The following NECTIN2 variants were observed in gnomAD, a reference collection of about 807,000 sequenced individuals.
NECTIN2 encodes nectin-2.
In NECTIN2, 23 loss-of-function variants were observed where a neutral mutation model predicts 56.9. The ratio of observed to expected loss-of-function variants is 0.40; its 90% CI spans 0.29 to 0.57. NECTIN2 has a LOEUF of 0.57. Ranked by LOEUF, NECTIN2 falls within the 20% of genes least tolerant of loss-of-function variation. The pLI, the probability that NECTIN2 is intolerant of heterozygous loss-of-function variation, is 0.38. For missense variants in NECTIN2, 587 were observed against 718.3 expected (o/e 0.82, Z 2.09); for synonymous variants, 302 against 313.8 (o/e 0.96, Z 0.40).
chr19:44,864,021 C>CCA (rs1969066337), intron 1 of NECTIN2, among the ~76,000 whole-genome samples: 2 of 151,232 alleles, frequency 1.3e-5, no homozygotes, highest in African/African-American at 2.4e-5. Flanking sequence ...TTCCCCCCCC[C>CCA]CAAAAAAAAA....
chr19:44,861,373 A>G (rs1415138758), intron 1 of NECTIN2, among the ~76,000 whole-genome samples: 2 of 152,246 alleles, frequency 1.3e-5, no homozygotes, highest in Non-Finnish European at 2.9e-5. Context: ...TATCCACAAC[A>G]GCAAAGATAT....
intron 8 of NECTIN2, among the ~76,000 whole-genome samples, chr19:44,887,293 G>A (rs964745736): frequency 1.3e-5 from 2 of 151,530 alleles, no homozygotes; most frequent in Non-Finnish European, 2.9e-5. Context: ...AAGTTGCAAT[G>A]AGCTGAGACC....
intron 2 of NECTIN2, among the ~76,000 whole-genome samples, chr19:44,869,321 A>G (rs1185190476): frequency 6.6e-6 from 1 of 152,080 alleles, no homozygotes; most frequent in African/African-American, 2.4e-5. Context: ...GGCCAGGCGC[A>G]GTGGCTCACG....
chr19:44,854,613 G>A (rs1157532011), intron 1 of NECTIN2, among the ~76,000 whole-genome samples: 5 of 151,986 alleles, frequency 3.3e-5, no homozygotes, highest in African/African-American at 1.2e-4. Flanking sequence ...AGGAGTCCGA[G>A]ACTAGCCTGG....
chr19:44,857,711 G>T (rs1808665), intron 1 of NECTIN2, among the ~76,000 whole-genome samples: 98,796 of 143,752 alleles, frequency 0.69, 34,332 homozygotes, highest in African/African-American at 0.82. Context: ...TTTTGTTTTT[G>T]TTTTTTTTTT....
chr19:44,878,389 C>T (rs369490660), intron 5 of NECTIN2: 20 of 1,556,568 alleles, frequency 1.3e-5, no homozygotes, highest in African/African-American at 6.8e-5. Context: ...GAGCCAGTGG[C>T]GACGGGGGAT....
In NECTIN2 at chr19:44,880,475, CTTTTTTTTTTTTTTTTTT is replaced by C. The variant is rs4013742; in HGVS notation, c.1043-1723_1043-1706del. ...TTCTCGACCCCTTTTCCTGTCTTGCCTTTTTTTTTTTTTTTTTTTTTTTTTTTTTTGAGACGGTGTCTA... is the reference window on the plus strand; with the variant it reads ...TTCTCGACCCCTTTTCCTGTCTTGCCTTTTTTTTTTTTGAGACGGTGTCTA... On this transcript the variant is annotated intron_variant, in intron 5 of 8. Transcript: ENST00000252483. Among the ~76,000 whole-genome samples, 226 of 68,884 alleles carry C rather than the reference CTTTTTTTTTTTTTTTTTT, an allele frequency of 3.3e-3. 2 individuals carry two copies. Among genetic ancestry groups the C allele is most frequent in the African/African-American group, 0.015 (217 of 14,772 alleles). The allele number at this position is 68,884 out of a possible 152,430, so 45.2% of individuals were successfully genotyped here.
At chr19:44,854,667 G>T (rs192456056) in intron 1 of NECTIN2, among the ~76,000 whole-genome samples, 530 of 151,966 alleles carry the variant, frequency 3.5e-3, no homozygotes, top group Middle Eastern at 6.9e-3. Context: ...ACAAAAATTA[G>T]CTGGGTATGG....
rs935736799 is a variant in NECTIN2 at position 44,874,576 on chromosome 19, C to T, written c.1042+98C>T. On this transcript the variant is annotated intron_variant, in intron 5 of 8. Transcript: ENST00000252483. The surrounding 1 kb of genome is among the most constrained non-coding windows in gnomAD (Gnocchi z 6.3). ...GGCTGCACTGGGGGAGGCTGCGCCG[C>T]CGACCTGGGAGGGATGCAGACCTGC... 33 of 1,480,724 alleles carry T rather than the reference C, an allele frequency of 2.2e-5. No homozygotes were observed. The highest frequency in any genetic ancestry group is 3.0e-5 in the Non-Finnish European group (33 of 1,086,634). The allele number at this position is 1,480,724 out of a possible 1,614,324, so 91.7% of individuals were successfully genotyped here. A position where few individuals can be genotyped will look rare whatever the true frequency, so the allele number is the denominator to read the frequency against.
chr19:44,848,056 G>A (rs1046413854), intron 1 of NECTIN2, among the ~76,000 whole-genome samples: 2 of 152,208 alleles, frequency 1.3e-5, no homozygotes, highest in Non-Finnish European at 2.9e-5. Context: ...TTGCGCAGAA[G>A]AGAGCTCAGG....
intron 1 of NECTIN2, among the ~76,000 whole-genome samples, chr19:44,859,630 C>T (rs1273600904): frequency 1.3e-5 from 2 of 152,154 alleles, no homozygotes; most frequent in Admixed American, 1.3e-4. Flanking sequence ...TTGAAACCAG[C>T]CTGACCAACA....
chr19:44,883,070 C>T (rs1320362191), intron 6 of NECTIN2, among the ~76,000 whole-genome samples: 2 of 152,072 alleles, frequency 1.3e-5, no homozygotes, highest in Admixed American at 6.6e-5. Context: ...CGTGAGCCAC[C>T]ATGGCTGGCC....
intron 6 of NECTIN2, among the ~76,000 whole-genome samples, chr19:44,883,528 G>A (rs1353577966): frequency 6.6e-6 from 1 of 152,140 alleles, no homozygotes; most frequent in Non-Finnish European, 1.5e-5. Flanking sequence ...ACCCGCCTCG[G>A]CCTCCCAAAG....
In NECTIN2 at chr19:44,871,894, A is replaced by G. The variant is rs1441950542; in HGVS notation, c.520A>G (p.Ser174Gly). The change falls in exon 3 of 9, where the codon AGC becomes GGC. Residue 174 changes from serine to glycine, a missense_variant. Ser to Gly is a moderately conservative substitution (Grantham distance 56). Transcript: ENST00000252483. ...AGCTGAGGCCCAGAAGGTCACGTTCAGCCAGGACCCTACGACAGTGGCCCT... is the reference window on the plus strand; with the variant it reads ...AGCTGAGGCCCAGAAGGTCACGTTCGGCCAGGACCCTACGACAGTGGCCCT... ...NQAEAQKVTF[S>G]QDPTTVALCI... 4 of 1,614,156 alleles carry G rather than the reference A, an allele frequency of 2.5e-6. No individual in the cohort carries two copies. In the South Asian group the frequency reaches 4.4e-5, roughly 18 times the overall value.
chr19:44,882,478 C>A (rs1457064960), intron 6 of NECTIN2, 114 bp downstream of exon 6: 2 of 1,004,122 alleles, frequency 2.0e-6, no homozygotes, highest in Non-Finnish European at 2.6e-6. Flanking sequence ...AACAGACAGA[C>A]CTAAAGGAAC....
chr19:44,852,889 T>C (rs1057512996), intron 1 of NECTIN2, among the ~76,000 whole-genome samples: 5 of 152,124 alleles, frequency 3.3e-5, no homozygotes, highest in Non-Finnish European at 5.9e-5. Flanking sequence ...AGGATCGCTT[T>C]AGTTCAGGAG....
chr19:44,866,885 G>A (rs752757160), intron 2 of NECTIN2, among the ~76,000 whole-genome samples: 12 of 152,230 alleles, frequency 7.9e-5, no homozygotes, highest in Middle Eastern at 3.4e-3. Context: ...TACAAAGTCC[G>A]GGTGGGGCCG....
At chr19:44,869,604 A>AAG (rs1969148172) in intron 2 of NECTIN2, among the ~76,000 whole-genome samples, 1 of 145,394 alleles carries the variant, frequency 6.9e-6, no homozygotes, top group Non-Finnish European at 1.5e-5. Context: ...AAAAAAAAAA[A>AAG]AAAAAGAAAA....
chr19:44,875,737 C>A lies in NECTIN2; in HGVS notation c.1042+1259C>A, dbSNP rs914526989. ...CTAGCCACGGAGGGACAGAAGCAGA[C>A]CCCCTTACTGAGTCATAATCTTAGA... On this transcript the variant is annotated intron_variant, in intron 5 of 8. Coordinates refer to ENST00000252483, the MANE Select transcript of NECTIN2 (RefSeq NM_001042724.2). This position sits in a 1 kb window ranked among gnomAD's most constrained non-coding sequence, Gnocchi z 4.2. Among the ~76,000 whole-genome samples, 2 of 152,128 alleles carry A rather than the reference C, an allele frequency of 1.3e-5. No homozygotes were observed. Among genetic ancestry groups the A allele is most frequent in the African/African-American group, 2.4e-5 (1 of 41,420 alleles).
Sources: gnomAD v4.1 joint callset for allele counts (sites outside exome capture counted in the v4.1 genomes callset) on GRCh38, gnomAD v4.1.1 for gene constraint, Gnocchi (gnomAD v3.1) non-coding constraint, MANE v1.5 for transcripts, NCBI Gene and HGNC (gene_info 2026-07-23, HGNC 2026-07-21) for gene names.